RGMA: variants seen among roughly 807,000 people sequenced by gnomAD.
RGMA encodes repulsive guidance molecule BMP co-receptor a.
In RGMA, 10 loss-of-function variants were observed where a neutral mutation model predicts 23.2. The ratio of observed to expected loss-of-function variants is 0.43; its 90% CI spans 0.27 to 0.73. The LOEUF is 0.73. Among genes scored for constraint, RGMA ranks in the 30% least tolerant of loss-of-function variants. The probability of loss-of-function intolerance (pLI) is 0.20; values close to 1 mark genes in which losing one functional copy is unlikely to be tolerated. For missense variants in RGMA, 547 were observed against 630.5 expected (o/e 0.87, Z 1.42); for synonymous variants, 308 against 279.3 (o/e 1.10, Z -1.03).
chr15:93,066,953 C>A (rs1434479460), intron 2 of RGMA, among the ~76,000 whole-genome samples: 1 of 152,242 alleles, frequency 6.6e-6, no homozygotes, highest in Non-Finnish European at 1.5e-5. Context: ...TGTGTTTCCT[C>A]ATCAGTGAAA....
chr15:93,073,515 A>G, intron 1 of RGMA: 1 of 1,399,276 alleles, frequency 7.1e-7, no homozygotes. Context: ...CTCCACGAAT[A>G]TCCAATCCAA....
chr15:93,076,875 C>T (rs867313729), intron 1 of RGMA, among the ~76,000 whole-genome samples: 2 of 152,178 alleles, frequency 1.3e-5, no homozygotes, highest in Non-Finnish European at 2.9e-5. Context: ...GGCTTAAAGT[C>T]AAGGCGAGAC....
At chr15:93,060,843 G>T (rs1415874362) in intron 2 of RGMA, among the ~76,000 whole-genome samples, 2 of 152,250 alleles carry the variant, frequency 1.3e-5, no homozygotes. Flanking sequence ...CTCCAGCTGT[G>T]GATGCACTGC....
In RGMA at chr15:93,052,322, T is replaced by G; in HGVS notation, c.316A>C (p.Ile106Leu). The G allele has an allele frequency of 6.2e-7, 1 of 1,603,778 alleles. No individual in the cohort carries two copies. The highest frequency in any genetic ancestry group is 8.5e-7 in the Non-Finnish European group (1 of 1,179,352). The change falls in exon 3 of 4, where the codon ATA (isoleucine) becomes CTA (leucine). Residue 106 changes from isoleucine (I) to leucine (L), a missense_variant. By Grantham distance (5) the Ile-to-Leu change is conservative. This residue lies in a region of RGMA where 214 missense variants were observed against 234.7 expected (regional missense o/e 0.91). Coordinates refer to ENST00000329082, the MANE Select transcript of RGMA (RefSeq NM_020211.3). ...TTGTGCTGGCTCATGAGGTCCTCTA[T>G]GCCATGGACGGCCGAGTGGTAGGCC... ...DLAYHSAVHGIEDLMSQHNCS... is the reference protein window; with the variant it reads ...DLAYHSAVHGLEDLMSQHNCS...
chr15:93,055,870 G>A (rs111709280), intron 2 of RGMA, among the ~76,000 whole-genome samples: 1,802 of 152,294 alleles, frequency 0.012, 21 homozygotes, highest in Non-Finnish European at 0.018. Context: ...CTTCGTGATC[G>A]GGATCTGCTA....
At chr15:93,079,403 T>C (rs201612827) in intron 1 of RGMA, among the ~76,000 whole-genome samples, 2 of 152,320 alleles carry the variant, frequency 1.3e-5, no homozygotes, top group East Asian at 3.9e-4. Flanking sequence ...TGCTAATAGA[T>C]TGGTTGGGTT....
chr15:93,084,199 T>C (rs1451278399), intron 1 of RGMA, among the ~76,000 whole-genome samples: 4 of 152,192 alleles, frequency 2.6e-5, no homozygotes, highest in African/African-American at 9.7e-5. Context: ...GTAAGGGGAA[T>C]CTATTCTTCA....
chr15:93,043,239 T>C lies in RGMA; in HGVS notation c.*1759A>G, dbSNP rs79757768. ...ACAGGCATGCGCACACATGCGTACA[T>C]GCACGCACACAGGCACGCACACACA... On this transcript the variant is annotated 3_prime_UTR_variant, in exon 4 of 4. Coordinates refer to ENST00000329082, the MANE Select transcript of RGMA (RefSeq NM_020211.3). 1.0e-4 allele frequency: 2 copies of C among 19,730 alleles called. No homozygotes were observed. Among genetic ancestry groups the C allele is most frequent in the Admixed American group, 3.2e-4 (1 of 3,086 alleles). 1.2% of individuals were successfully genotyped at this position (19,730 alleles called of 1,614,324 possible). A position where few individuals can be genotyped will look rare whatever the true frequency, so the allele number is the denominator to read the frequency against.
rs1056275489 is a variant in RGMA at position 93,036,534 on chromosome 15, A to T, written c.*8464T>A. ...CCCAGCCTTGACCTGAGGGCCACTC[A>T]GCGGCCCTGCTCATCAAACCGCTCT... On this transcript the variant is annotated 3_prime_UTR_variant, in exon 4 of 4. Coordinates refer to ENST00000329082, the MANE Select transcript of RGMA (RefSeq NM_020211.3). The T allele has an allele frequency of 6.6e-6, 1 of 152,342 alleles. No individual in the cohort carries two copies. Among genetic ancestry groups the T allele is most frequent in the Non-Finnish European group, 1.5e-5 (1 of 68,122 alleles). 9.4% of individuals were successfully genotyped at this position (152,342 alleles called of 1,614,324 possible).
rs986554015 is a variant in RGMA, at chr15:93,045,293, T to C, written c.1058A>G (p.Glu353Gly). ...AAASPAPTAPETFPYETAVAK... is the reference protein window; with the variant it reads ...AAASPAPTAPGTFPYETAVAK... Reference sequence around the variant, plus strand: ...CACGGCTGTCTCGTATGGGAAGGTCTCGGGGGCTGTGGGTGCAGGGCTGGC... The same window carrying C: ...CACGGCTGTCTCGTATGGGAAGGTCCCGGGGGCTGTGGGTGCAGGGCTGGC... Residue 353 changes from glutamate (E) to glycine (G), a missense_variant, in exon 4 of 4, where the codon GAG becomes GGG. Physicochemically the swap from Glu to Gly is moderately conservative, Grantham distance 98. Around this residue, in one of 3 missense-constraint regions of RGMA, gnomAD observed 205 missense variants for 204.1 expected, o/e 1.00. Coordinates refer to ENST00000329082, the MANE Select transcript of RGMA (RefSeq NM_020211.3). This position sits in a 1 kb window ranked among gnomAD's most constrained non-coding sequence, Gnocchi z 6.9. 1 of 1,612,616 alleles carries C rather than the reference T, an allele frequency of 6.2e-7. No individual in the cohort carries two copies. The highest frequency in any genetic ancestry group is 8.5e-7 in the Non-Finnish European group (1 of 1,179,660).
At chr15:93,069,005 T>C (rs2141835770) in intron 2 of RGMA, among the ~76,000 whole-genome samples, 1 of 152,348 alleles carries the variant, frequency 6.6e-6, no homozygotes, top group East Asian at 1.9e-4. Flanking sequence ...ACTTATGGTA[T>C]TTTGTTACAG....
intron 1 of RGMA, among the ~76,000 whole-genome samples, chr15:93,082,055 T>C (rs1323866347): frequency 2.2e-4 from 34 of 152,372 alleles, no homozygotes; most frequent in African/African-American, 8.2e-4. Flanking sequence ...TTTGCAGATC[T>C]ATCAAAAGAT....
At chr15:93,056,679 C>G (rs974299333) in intron 2 of RGMA, among the ~76,000 whole-genome samples, 1 of 152,202 alleles carries the variant, frequency 6.6e-6, no homozygotes. Context: ...CCAGCCCCAG[C>G]TCTGGGTGGG....
rs72767219 is a variant in RGMA, at chr15:93,057,241, G to A, written c.131-4734C>T. 4.7e-3 allele frequency among the ~76,000 whole-genome samples: 716 copies of A among 152,282 alleles called. 3 individuals are homozygous for A. Among genetic ancestry groups the A allele is most frequent in the African/African-American group, 0.011 (446 of 41,554 alleles). The stretch of plus-strand genomic sequence containing the variant: ...TACCTCACTCACGCCCAGGGAGAGC[G>A]CTATAGACTGAACTTTGTCCCCCTA... On this transcript the variant is annotated intron_variant, in intron 2 of 3. Coordinates refer to ENST00000329082, the MANE Select transcript of RGMA (RefSeq NM_020211.3).
chr15:93,071,887 G>T (rs1036040991), intron 2 of RGMA, among the ~76,000 whole-genome samples: 46 of 152,192 alleles, frequency 3.0e-4, no homozygotes, highest in Admixed American at 2.9e-3. Context: ...TCTGAACCCC[G>T]CAAACACAAT....
intron 1 of RGMA, chr15:93,088,234 C>T: frequency 2.3e-6 from 2 of 872,510 alleles, no homozygotes; most frequent in East Asian, 1.2e-4. Context: ...GTCCCCCACA[C>T]CCGCCCTCCC....
At chr15:93,083,785 G>A (rs1317019521) in intron 1 of RGMA, among the ~76,000 whole-genome samples, 1 of 152,178 alleles carries the variant, frequency 6.6e-6, no homozygotes, top group African/African-American at 2.4e-5. Context: ...GTTATTAGCA[G>A]GGCTGGACCT....
intron 1 of RGMA, chr15:93,073,478 G>T: frequency 1.7e-6 from 2 of 1,159,562 alleles, no homozygotes; most frequent in Non-Finnish European, 2.4e-6. Context: ...CAGGGCATGA[G>T]GCGGGGCAGG....
intron 2 of RGMA, chr15:93,066,640 C>T: frequency 2.3e-6 from 1 of 442,804 alleles, no homozygotes; most frequent in South Asian, 1.6e-5. Flanking sequence ...GCCGCCGCCT[C>T]CACCTCGCTC....
Sources: gnomAD v4.1 joint callset for allele counts (sites outside exome capture counted in the v4.1 genomes callset) on GRCh38, gnomAD v4.1.1 for gene constraint, gnomAD v4.1.1 regional missense constraint, Gnocchi (gnomAD v3.1) non-coding constraint, MANE v1.5 for transcripts, NCBI Gene and HGNC (gene_info 2026-07-23, HGNC 2026-07-21) for gene names.